The following SESN3 variants were observed in gnomAD, a reference collection of about 807,000 sequenced individuals.
SESN3 encodes the protein sestrin-3.
A neutral mutation model predicts 55.3 loss-of-function variants in SESN3; 21 were observed. That is an observed-to-expected ratio of 0.38 (90% CI 0.27 to 0.55). SESN3 has a LOEUF of 0.55. SESN3 is among the 20% of genes least tolerant of loss of function. The pLI, the probability that SESN3 is intolerant of heterozygous loss-of-function variation, is 0.76. For synonymous variants in SESN3, 181 were observed against 203.1 expected, an observed-to-expected ratio of 0.89 and a Z score of 0.93; for missense variants, 408 against 604.3, an observed-to-expected ratio of 0.68 and a Z score of 3.41.
At chr11:95,196,109 G>A (rs878089) in intron 1 of SESN3, among the ~76,000 whole-genome samples, 4,004 of 152,122 alleles carry the variant, frequency 0.026, 80 homozygotes, top group South Asian at 0.072. Flanking sequence ...TTTATATACC[G>A]AACATAAAAG....
chr11:95,204,263 A>T (rs1030485821), intron 1 of SESN3, among the ~76,000 whole-genome samples: 8 of 152,046 alleles, frequency 5.3e-5, no homozygotes, highest in African/African-American at 1.9e-4. Flanking sequence ...AATTTTTATA[A>T]TTTTTTAAGT....
chr11:95,203,397 G>A (rs1860493325), intron 1 of SESN3, among the ~76,000 whole-genome samples: 1 of 152,064 alleles, frequency 6.6e-6, no homozygotes, highest in South Asian at 2.1e-4. Context: ...TTTAAATTGA[G>A]AAAGTACCTT....
chr11:95,171,275 A>G lies in SESN3; in HGVS notation c.*1980T>C, dbSNP rs990264136. 1.3e-5 allele frequency: 2 copies of G among 152,206 alleles called. No homozygotes were observed. The highest frequency in any genetic ancestry group is 2.9e-5 in the Non-Finnish European group (2 of 68,008). 9.4% of individuals were successfully genotyped at this position (152,206 alleles called of 1,614,324 possible). ...ACATATCTACATAATGTAATATTGAATAAAAGTTAACATATGGCATATGCA... is the reference window on the plus strand; with the variant it reads ...ACATATCTACATAATGTAATATTGAGTAAAAGTTAACATATGGCATATGCA... On this transcript the variant is annotated 3_prime_UTR_variant, in exon 10 of 10. Coordinates refer to ENST00000536441, the MANE Select transcript of SESN3 (RefSeq NM_144665.4).
intron 9 of SESN3, among the ~76,000 whole-genome samples, chr11:95,174,211 T>C (rs1859910588): frequency 6.6e-6 from 1 of 152,214 alleles, no homozygotes; most frequent in South Asian, 2.1e-4. Context: ...ATACAGTTTA[T>C]TAGCGAATGT....
chr11:95,178,622 T>C lies in SESN3; in HGVS notation c.1056+88A>G, dbSNP rs148987933. 7.1e-5 allele frequency: 57 copies of C among 804,436 alleles called. 1 individual carries two copies. In the Middle Eastern group the frequency reaches 1.6e-3, roughly 23 times the overall value. The allele number at this position is 804,436 out of a possible 1,614,324, so 49.8% of individuals were successfully genotyped here. On this transcript the variant is annotated intron_variant, in intron 7 of 9. Transcript: ENST00000536441. ...AAAGATTTATAGATTCTATCAAAAA[T>C]TGTTTAGTGCCAATTTTTAAAATTT...
chr11:95,184,833 T>A (rs1170745507), intron 5 of SESN3, among the ~76,000 whole-genome samples: 1 of 152,010 alleles, frequency 6.6e-6, no homozygotes, highest in Non-Finnish European at 1.5e-5. Flanking sequence ...GTGCATAAAA[T>A]CTACAATTCT....
intron 1 of SESN3, chr11:95,224,459 A>G (rs1252306220): frequency 2.3e-6 from 1 of 442,906 alleles, no homozygotes; most frequent in Admixed American, 2.5e-5. Context: ...TACCTTGTCC[A>G]TTATGCTCTA....
Position 95,173,137 on chromosome 11 carries a change from G to C in SESN3, c.*118C>G. On this transcript the variant is annotated 3_prime_UTR_variant, in exon 10 of 10. Coordinates refer to ENST00000536441, the MANE Select transcript of SESN3 (RefSeq NM_144665.4). Reference sequence around the variant, plus strand: ...AAAAAACAAAAAAAAAAAAACAAACGGCTAAACTTTGACACTAGAGAACTG... The same window carrying C: ...AAAAAACAAAAAAAAAAAAACAAACCGCTAAACTTTGACACTAGAGAACTG... The C allele has an allele frequency of 1.9e-6, 1 of 516,728 alleles. No homozygotes were observed. The highest frequency in any genetic ancestry group is 3.4e-6 in the Non-Finnish European group (1 of 294,018). 32.0% of individuals were successfully genotyped at this position (516,728 alleles called of 1,614,324 possible).
chr11:95,231,385 A>T (rs567813006), upstream of SESN3: 22 of 372,614 alleles, frequency 5.9e-5, no homozygotes, highest in Non-Finnish European at 8.6e-5. Flanking sequence ...ATCTCCGGGC[A>T]AGTTAAGTTT....
chr11:95,219,261 T>C (rs1860816782), intron 1 of SESN3, among the ~76,000 whole-genome samples: 1 of 152,210 alleles, frequency 6.6e-6, no homozygotes, highest in Non-Finnish European at 1.5e-5. Flanking sequence ...ATTTGAACAT[T>C]ACATGGAATT....
rs1167092048 is a variant in SESN3, at chr11:95,172,120, CAG to C, written c.*1133_*1134del. On this transcript the variant is annotated 3_prime_UTR_variant, in exon 10 of 10. Transcript: ENST00000536441. Reference sequence around the variant, plus strand: ...AAAGGACACTTTTGCAGTGATATGACAGGGGGAAAGTTTAGTTGAGTATTTTT... The same window carrying C: ...AAAGGACACTTTTGCAGTGATATGACGGGGAAAGTTTAGTTGAGTATTTTT... 2 of 152,150 alleles carry C rather than the reference CAG, an allele frequency of 1.3e-5. No homozygotes were observed. Among genetic ancestry groups the C allele is most frequent in the East Asian group, 1.9e-4 (1 of 5,186 alleles). The allele number at this position is 152,150 out of a possible 1,614,324, so 9.4% of individuals were successfully genotyped here.
Position 95,230,841 on chromosome 11 carries a change from C to A in SESN3, c.20G>T (p.Ser7Ile). ...CAGGTAGTTGGCGGCGGCCGACGGG[C>A]TGCCGCCGCCCCGGTTCATCGTGGC... MNRGGGSPSAAANYLLC... is the reference protein window; with the variant it reads MNRGGGIPSAAANYLLC... Residue 7 changes from serine (S) to isoleucine (I), a missense_variant, in exon 1 of 10, where the codon AGC becomes ATC. Transcript: ENST00000536441. The surrounding 1 kb of genome is among the most constrained non-coding windows in gnomAD (Gnocchi z 4.6). The A allele has an allele frequency of 6.3e-7, 1 of 1,582,196 alleles. No homozygotes were observed.
chr11:95,165,665 A>G lies in SESN3; in HGVS notation c.*7590T>C, dbSNP rs1859730969. On this transcript the variant is annotated 3_prime_UTR_variant, in exon 10 of 10. Transcript: ENST00000536441. ...CCCATTGTTCTGTACCTATAAATAG[A>G]TTTTCAAAATGTCATAAAAAGTGCA... 6.6e-6 allele frequency: 1 copy of G among 152,168 alleles called. No homozygotes were observed. The highest frequency in any genetic ancestry group is 1.5e-5 in the Non-Finnish European group (1 of 67,994). 9.4% of individuals were successfully genotyped at this position (152,168 alleles called of 1,614,324 possible). A position where few individuals can be genotyped will look rare whatever the true frequency, so the allele number is the denominator to read the frequency against.
chr11:95,193,421 A>G, intron 2 of SESN3, 36 bp downstream of exon 2: 1 of 1,202,556 alleles, frequency 8.3e-7, no homozygotes, highest in Non-Finnish European at 1.2e-6. Context: ...TTATTTTTAA[A>G]TCTTACTTTT....
chr11:95,177,849 G>A lies in SESN3; in HGVS notation c.1117C>T (p.His373Tyr). ...LVNRLYSDIG[H>Y]LLDEKFRMVY... ...ATCCGAAACTTTTCATCAAGAAGAT[G>A]TCCAATGTCAGAATAAAGTCTGTTC... Residue 373 changes from histidine to tyrosine, a missense_variant, in exon 8 of 10, where the codon CAT (histidine) becomes TAT (tyrosine). His to Tyr is a moderately conservative substitution (Grantham distance 83). Around this residue, in one of 4 missense-constraint regions of SESN3, gnomAD observed 121 missense variants for 204.9 expected, o/e 0.59. Coordinates refer to ENST00000536441, the MANE Select transcript of SESN3 (RefSeq NM_144665.4). The A allele has an allele frequency of 6.2e-7, 1 of 1,607,084 alleles. No individual in the cohort carries two copies. The highest frequency in any genetic ancestry group is 8.5e-7 in the Non-Finnish European group (1 of 1,177,858).
Position 95,177,939 on chromosome 11 carries a change from A to G in SESN3, c.1057-30T>C, listed in dbSNP as rs778567065. ...AAGAATAAAATGTATTTAATTACAA[A>G]GTGGGCATTTTCCATCTAAATTCTA... On this transcript the variant is annotated intron_variant, in intron 7 of 9. Coordinates refer to ENST00000536441, the MANE Select transcript of SESN3 (RefSeq NM_144665.4). 3.5e-6 allele frequency: 5 copies of G among 1,434,032 alleles called. No homozygotes were observed. The South Asian group carries it at 6.3e-5, about 18-fold the overall frequency. The allele number at this position is 1,434,032 out of a possible 1,614,324, so 88.8% of individuals were successfully genotyped here.
chr11:95,224,101 C>A (rs1171740483), intron 1 of SESN3, among the ~76,000 whole-genome samples: 7 of 152,176 alleles, frequency 4.6e-5, no homozygotes, highest in African/African-American at 1.4e-4. Flanking sequence ...TTTCCCCAAT[C>A]TGTTGTGATG....
chr11:95,191,840 C>T (rs1860275122), intron 2 of SESN3, among the ~76,000 whole-genome samples: 1 of 152,068 alleles, frequency 6.6e-6, no homozygotes, highest in Admixed American at 6.6e-5. Flanking sequence ...ATACACACAG[C>T]TATGAATGAA....
intron 5 of SESN3, 78 bp downstream of exon 5, chr11:95,185,178 G>A: frequency 1.2e-6 from 1 of 821,288 alleles, no homozygotes; most frequent in Admixed American, 2.2e-5. Flanking sequence ...TCTAATTGGA[G>A]AAAAATTCTC....
Sources: gnomAD v4.1 joint callset for allele counts (sites outside exome capture counted in the v4.1 genomes callset) on GRCh38, gnomAD v4.1.1 for gene constraint, gnomAD v4.1.1 regional missense constraint, Gnocchi (gnomAD v3.1) non-coding constraint, MANE v1.5 for transcripts, NCBI Gene and HGNC (gene_info 2026-07-23, HGNC 2026-07-21) for gene names.